Variants in ANKRD44 observed in about 807,000 individuals in gnomAD.
The protein encoded by ANKRD44 is ankyrin repeat domain 44, also known as serine/threonine-protein phosphatase 6 regulatory ankyrin repeat subunit B.
In ANKRD44, 35 loss-of-function variants were observed where a neutral mutation model predicts 116.0. The observed-to-expected ratio is 0.30, with a 90% CI of 0.23 to 0.40. The LOEUF (loss-of-function observed/expected upper bound fraction) is 0.40. ANKRD44 is among the 10% of genes least tolerant of loss of function. The pLI, the probability that ANKRD44 is intolerant of heterozygous loss-of-function variation, is 1.00. For synonymous variants in ANKRD44, 435 were observed against 461.8 expected (o/e 0.94, Z 0.74); for missense variants, 1,014 against 1,242.6 (o/e 0.82, Z 2.77).
chr2:197,087,657 C>G (rs532173137), intron 12 of ANKRD44, among the ~76,000 whole-genome samples: 8 of 152,288 alleles, frequency 5.3e-5, no homozygotes, highest in Non-Finnish European at 1.0e-4. Context: ...TTATAGCCAC[C>G]TTCTCAGAGA....
chr2:197,229,146 G>C (rs2081795932), intron 1 of ANKRD44, among the ~76,000 whole-genome samples: 1 of 152,202 alleles, frequency 6.6e-6, no homozygotes, highest in South Asian at 2.1e-4. Context: ...AACACAGGAG[G>C]AAAGAATCAC....
At chr2:197,112,680 C>T (rs1367965873) in intron 8 of ANKRD44, among the ~76,000 whole-genome samples, 1 of 147,710 alleles carries the variant, frequency 6.8e-6, no homozygotes, top group Non-Finnish European at 1.5e-5. Flanking sequence ...TGCACTCCAG[C>T]CTGGGCGACA....
chr2:197,167,776 A>G (rs1318151853), intron 2 of ANKRD44, among the ~76,000 whole-genome samples: 5 of 152,196 alleles, frequency 3.3e-5, no homozygotes, highest in Non-Finnish European at 7.4e-5. Flanking sequence ...TAACTGCATG[A>G]CTGTCTTCCA....
intron 9 of ANKRD44, among the ~76,000 whole-genome samples, chr2:197,100,583 T>C (rs547132812): frequency 6.6e-6 from 1 of 152,382 alleles, no homozygotes; most frequent in Admixed American, 6.5e-5. Flanking sequence ...TCTGAAGACA[T>C]GTTCAATTTT....
rs202178791 is a variant in ANKRD44, at chr2:197,139,652, T to TAG, written c.191-2991_191-2990insCT. Among the ~76,000 whole-genome samples the TAG allele has an allele frequency of 1.5e-3, 234 of 151,972 alleles. 1 individual carries two copies. The highest frequency in any genetic ancestry group is 5.2e-3 in the African/African-American group (214 of 41,452). On this transcript the variant is annotated intron_variant, in intron 3 of 27. Transcript: ENST00000282272. The stretch of plus-strand genomic sequence containing the variant: ...ATAGATATAGATATAGATATAGATA[T>TAG]ATATATAGCAAATATGGCAAAATAT...
At chr2:197,225,753 T>A (rs906807502) in intron 1 of ANKRD44, among the ~76,000 whole-genome samples, 1 of 152,208 alleles carries the variant, frequency 6.6e-6, no homozygotes, top group African/African-American at 2.4e-5. Flanking sequence ...GAAACAGACC[T>A]AATAATTTGG....
At chr2:197,291,215 A>T (rs909661493) in intron 1 of ANKRD44, among the ~76,000 whole-genome samples, 2 of 152,010 alleles carry the variant, frequency 1.3e-5, no homozygotes, top group Non-Finnish European at 2.9e-5. Context: ...TCCCTAAAAA[A>T]TAAATAAGAT....
intron 2 of ANKRD44, among the ~76,000 whole-genome samples, chr2:197,185,473 C>T (rs16863000): frequency 0.29 from 43,773 of 152,114 alleles, 7,070 homozygotes; most frequent in African/African-American, 0.43. Flanking sequence ...ACTTCTGTTT[C>T]TACTTAACAC....
chr2:196,986,731 A>G lies in ANKRD44; in HGVS notation c.*2860T>C. 1 of 979,228 alleles carries G rather than the reference A, an allele frequency of 1.0e-6. No homozygotes were observed. Among genetic ancestry groups the G allele is most frequent in the Non-Finnish European group, 1.2e-6 (1 of 824,268 alleles). 60.7% of individuals were successfully genotyped at this position (979,228 alleles called of 1,614,324 possible). On this transcript the variant is annotated 3_prime_UTR_variant, in exon 28 of 28. Transcript: ENST00000282272. ...TGAATGCATTTCCATAGTATATTACAGTTAAGTACTTCATTACGTTATTAG... is the reference window on the plus strand; with the variant it reads ...TGAATGCATTTCCATAGTATATTACGGTTAAGTACTTCATTACGTTATTAG...
chr2:197,075,294 T>C (rs1295740347), intron 16 of ANKRD44, among the ~76,000 whole-genome samples: 2 of 152,128 alleles, frequency 1.3e-5, no homozygotes, highest in African/African-American at 4.8e-5. Context: ...AAATTCCAAA[T>C]AGGGGCATGA....
At position 196,993,845 on chromosome 2, in the gene ANKRD44, G is replaced by A. The variant is rs180696208; in HGVS notation, c.2832-171C>T. Among the ~76,000 whole-genome samples, 470 of 152,274 alleles carry A rather than the reference G, an allele frequency of 3.1e-3. 2 individuals are homozygous for A. The highest frequency in any genetic ancestry group is 0.011 in the African/African-American group (443 of 41,542). ...GACCAGATCTTTTCCAGGTGCTAAT[G>A]GTCCAACTGTTGTTGTATGTTTGGC... On this transcript the variant is annotated intron_variant, in intron 26 of 27. Coordinates refer to ENST00000282272, the MANE Select transcript of ANKRD44 (RefSeq NM_001195144.2).
rs530509783 is a variant in ANKRD44, at chr2:196,988,119, G to A, written c.*1472C>T. 6.6e-5 allele frequency: 65 copies of A among 985,392 alleles called. 1 individual carries two copies. Among genetic ancestry groups the A allele is most frequent in the Middle Eastern group, 1.0e-3 (2 of 1,914 alleles). The allele number at this position is 985,392 out of a possible 1,614,324, so 61.0% of individuals were successfully genotyped here. ...CTCCATGGAGATAACGTCTCATGGT[G>A]AGTCACTGCTTTGCTGAAATGATTC... On this transcript the variant is annotated 3_prime_UTR_variant, in exon 28 of 28. Transcript: ENST00000282272.
chr2:197,019,809 T>A (rs1004415258), intron 17 of ANKRD44, among the ~76,000 whole-genome samples: 2 of 151,818 alleles, frequency 1.3e-5, no homozygotes, highest in Non-Finnish European at 2.9e-5. Context: ...TTTCTTTTTT[T>A]TTTTTGAGCT....
At chr2:197,100,023 G>T (rs2078252918) in intron 9 of ANKRD44, 93 bp from the exon 10 acceptor site, 1 of 1,157,662 alleles carries the variant, frequency 8.6e-7, no homozygotes, top group Non-Finnish European at 1.2e-6. Flanking sequence ...ACCAAATGTT[G>T]ATTTCTTTCC....
At chr2:197,170,190 C>CAAAAAAAAAAAAAAAAAAAAAA (rs71012960) in intron 2 of ANKRD44, among the ~76,000 whole-genome samples, 4 of 119,784 alleles carry the variant, frequency 3.3e-5, no homozygotes, top group East Asian at 4.8e-4. Flanking sequence ...ACCCTGTTTC[C>CAAAAAAAAAAAAAAAAAAAAAA]AAAAAAAAAA....
chr2:197,310,697 G>T lies in ANKRD44; in HGVS notation c.-93C>A. The T allele has an allele frequency of 8.1e-7, 1 of 1,234,902 alleles. No individual in the cohort carries two copies. Among genetic ancestry groups the T allele is most frequent in the Non-Finnish European group, 1.0e-6 (1 of 961,452 alleles). 76.5% of individuals were successfully genotyped at this position (1,234,902 alleles called of 1,614,324 possible). A position where few individuals can be genotyped will look rare whatever the true frequency, so the allele number is the denominator to read the frequency against. On this transcript the variant is annotated 5_prime_UTR_variant, in exon 1 of 28. Coordinates refer to ENST00000282272, the MANE Select transcript of ANKRD44 (RefSeq NM_001195144.2). ...GAAGCGGAAGGGATTGCCAGGAGAAGGGAAAAAATCTGGCTCCCGAATTTG... is the reference window on the plus strand; with the variant it reads ...GAAGCGGAAGGGATTGCCAGGAGAATGGAAAAAATCTGGCTCCCGAATTTG...
rs117759841 is a variant in ANKRD44 at position 197,030,756 on chromosome 2, G to A, written c.1651-5489C>T. 1.6e-3 allele frequency among the ~76,000 whole-genome samples: 250 copies of A among 152,138 alleles called. 1 individual carries two copies. The East Asian group carries it at 0.029, about 18-fold the overall frequency. On this transcript the variant is annotated intron_variant, in intron 16 of 27. Transcript: ENST00000282272. ...TTTTTTTGCTTAAAAGAGCTAGAGT[G>A]GTTTCTGAATCCTGCAAATGAAGCC...
intron 2 of ANKRD44, among the ~76,000 whole-genome samples, chr2:197,167,403 C>A (rs1207438361): frequency 6.6e-6 from 1 of 152,124 alleles, no homozygotes; most frequent in Non-Finnish European, 1.5e-5. Context: ...GGCACACTTC[C>A]TAAGATGCCT....
chr2:197,036,182 TTCTGTCTC>T (rs1256748838), intron 16 of ANKRD44, among the ~76,000 whole-genome samples: 1 of 152,204 alleles, frequency 6.6e-6, no homozygotes, highest in Non-Finnish European at 1.5e-5. Flanking sequence ...CTAATTTAGT[TTCTGTCTC>T]CCCCGACTCC....
Sources: gnomAD v4.1 joint callset for allele counts (sites outside exome capture counted in the v4.1 genomes callset) on GRCh38, gnomAD v4.1.1 for gene constraint, MANE v1.5 for transcripts, NCBI Gene and HGNC (gene_info 2026-07-23, HGNC 2026-07-21) for gene names.